Variants in CA10 observed in about 807,000 individuals in gnomAD.
CA10 encodes the protein carbonic anhydrase 10 (inactive).
CA10 carries 14 observed loss-of-function variants against 44.2 expected under a neutral mutation model. The ratio of observed to expected loss-of-function variants is 0.32; its 90% CI spans 0.21 to 0.50. The LOEUF (loss-of-function observed/expected upper bound fraction) is 0.50. CA10 is among the 20% of genes least tolerant of loss of function. CA10 has a pLI of 0.99. For missense variants in CA10, 350 were observed against 409.7 expected, an observed-to-expected ratio of 0.85 and a Z score of 1.26; for synonymous variants, 159 against 141.6, an observed-to-expected ratio of 1.12 and a Z score of -0.87.
At chr17:52,068,984 G>A (rs1027672840) in intron 2 of CA10, among the ~76,000 whole-genome samples, 3 of 152,174 alleles carry the variant, frequency 2.0e-5, no homozygotes, top group African/African-American at 4.8e-5. Context: ...CGATAGGCAG[G>A]AGGCCTAGGG....
intron 2 of CA10, among the ~76,000 whole-genome samples, chr17:52,010,421 C>A (rs1240831437): frequency 6.6e-6 from 1 of 151,824 alleles, no homozygotes; most frequent in Non-Finnish European, 1.5e-5. Flanking sequence ...CATACACATA[C>A]ACCATGGAAT....
chr17:51,967,434 A>G (rs1390607486), intron 2 of CA10, among the ~76,000 whole-genome samples: 1 of 151,732 alleles, frequency 6.6e-6, no homozygotes, highest in African/African-American at 2.4e-5. Flanking sequence ...ACGTGAAATC[A>G]ACCTAAGTGT....
intron 4 of CA10, among the ~76,000 whole-genome samples, chr17:51,732,627 A>G (rs1461573027): frequency 6.6e-6 from 1 of 152,204 alleles, no homozygotes; most frequent in Non-Finnish European, 1.5e-5. Flanking sequence ...CCATACAGGC[A>G]GGTAACCAAG....
At chr17:52,009,991 A>G (rs1985731821) in intron 2 of CA10, among the ~76,000 whole-genome samples, 1 of 152,072 alleles carries the variant, frequency 6.6e-6, no homozygotes, top group African/African-American at 2.4e-5. Flanking sequence ...CAAGAAGCAT[A>G]TGGAAAAATG....
chr17:51,810,544 G>A (rs983751171), intron 3 of CA10, among the ~76,000 whole-genome samples: 6 of 152,248 alleles, frequency 3.9e-5, no homozygotes, highest in African/African-American at 1.2e-4. Context: ...GGTGAAACGT[G>A]CTATGCAGAG....
intron 3 of CA10, among the ~76,000 whole-genome samples, chr17:51,875,190 A>G (rs1980013454): frequency 6.6e-6 from 1 of 152,074 alleles, no homozygotes; most frequent in African/African-American, 2.4e-5. Context: ...CCCAGGAACC[A>G]GGAGAGCTGC....
chr17:52,040,108 T>C (rs1986726537), intron 2 of CA10, among the ~76,000 whole-genome samples: 2 of 151,592 alleles, frequency 1.3e-5, no homozygotes, highest in African/African-American at 4.8e-5. Context: ...AAATATTCTT[T>C]ATAAAATTAA....
intron 6 of CA10, among the ~76,000 whole-genome samples, chr17:51,643,392 A>G (rs141108008): frequency 6.6e-6 from 1 of 152,162 alleles, no homozygotes; most frequent in African/African-American, 2.4e-5. Context: ...CGGAAAATCT[A>G]TTTTTCAATG....
At chr17:52,120,432 C>G (rs1232223137) in intron 1 of CA10, among the ~76,000 whole-genome samples, 1 of 100,388 alleles carries the variant, frequency 1.0e-5, no homozygotes, top group African/African-American at 6.3e-5. Context: ...TTATCCTTAT[C>G]CTTATCCTTA....
At chr17:51,822,138 C>T (rs1481332301) in intron 3 of CA10, among the ~76,000 whole-genome samples, 2 of 152,098 alleles carry the variant, frequency 1.3e-5, no homozygotes, top group African/African-American at 2.4e-5. Flanking sequence ...AAAACCCCAT[C>T]CTTGGCCAGG....
chr17:52,083,180 G>A (rs1988027497), intron 1 of CA10, among the ~76,000 whole-genome samples: 1 of 150,298 alleles, frequency 6.7e-6, no homozygotes, highest in Non-Finnish European at 1.5e-5. Context: ...TTAATCTCAT[G>A]TCACATAAAA....
intron 3 of CA10, among the ~76,000 whole-genome samples, chr17:51,750,079 G>T (rs1253871396): frequency 1.3e-5 from 2 of 152,050 alleles, no homozygotes; most frequent in African/African-American, 4.8e-5. Context: ...TTCCTTTTCA[G>T]TACAATAGCT....
chr17:51,870,880 G>A (rs73989427), intron 3 of CA10, among the ~76,000 whole-genome samples: 1 of 151,954 alleles, frequency 6.6e-6, no homozygotes, highest in Non-Finnish European at 1.5e-5. Context: ...CAGGCAGCTA[G>A]CTCTAAGATG....
At chr17:51,717,851 A>ACG (rs1266209114) in intron 4 of CA10, among the ~76,000 whole-genome samples, 1 of 22,046 alleles carries the variant, frequency 4.5e-5, no homozygotes, top group Non-Finnish European at 1.0e-4. Context: ...ATATATATAT[A>ACG]TATATATATA....
At chr17:51,722,916 C>A (rs1916392548) in intron 4 of CA10, among the ~76,000 whole-genome samples, 1 of 152,128 alleles carries the variant, frequency 6.6e-6, no homozygotes, top group African/African-American at 2.4e-5. Flanking sequence ...GTACTTTCTC[C>A]TTTGGTTATA....
chr17:51,865,634 A>G (rs1461382871), intron 3 of CA10, among the ~76,000 whole-genome samples: 1 of 152,198 alleles, frequency 6.6e-6, no homozygotes, highest in African/African-American at 2.4e-5. Context: ...CCCTTGATGT[A>G]TCCCTGTGAG....
chr17:51,690,880 C>T (rs1004660648), intron 4 of CA10, among the ~76,000 whole-genome samples: 9 of 151,898 alleles, frequency 5.9e-5, no homozygotes, highest in Admixed American at 3.3e-4. Flanking sequence ...CCAGATTCAT[C>T]TAGGTTGTCT....
chr17:51,721,660 T>C (rs1256748170), intron 4 of CA10, among the ~76,000 whole-genome samples: 2 of 151,532 alleles, frequency 1.3e-5, no homozygotes, highest in South Asian at 2.1e-4. Context: ...TTAAGATGTA[T>C]GAATTAAAAA....
At chr17:51,792,702 C>T (rs1251118687) in intron 3 of CA10, among the ~76,000 whole-genome samples, 1 of 152,136 alleles carries the variant, frequency 6.6e-6, no homozygotes, top group African/African-American at 2.4e-5. Flanking sequence ...AGTAGAGAGG[C>T]TGGTCTGCAT....
Sources: allele counts gnomAD v4.1 joint callset (sites outside exome capture counted in the v4.1 genomes callset), GRCh38; gene constraint gnomAD v4.1.1; transcripts MANE v1.5; gene names NCBI Gene and HGNC (gene_info 2026-07-23, HGNC 2026-07-21).